The following ZGRF1 variants were observed in gnomAD, a reference collection of about 807,000 sequenced individuals.
ZGRF1 encodes zinc finger GRF-type containing 1.
In ZGRF1, 196 loss-of-function variants were observed where a neutral mutation model predicts 203.5. The ratio of observed to expected loss-of-function variants is 0.96; its 90% CI spans 0.86 to 1.08. The LOEUF (loss-of-function observed/expected upper bound fraction) is 1.08, where lower values mean the gene tolerates loss of function less well. ZGRF1 is among the 50% of genes least tolerant of loss of function. The probability of loss-of-function intolerance (pLI) is 0.00; values close to 1 mark genes in which losing one functional copy is unlikely to be tolerated. For synonymous variants in ZGRF1, 809 were observed against 841.3 expected (o/e 0.96, Z 0.66); for missense variants, 2,326 against 2,416.3 (o/e 0.96, Z 0.78).
intron 6 of ZGRF1, among the ~76,000 whole-genome samples, chr4:112,613,124 T>C (rs989970120): frequency 1.3e-5 from 2 of 152,148 alleles, no homozygotes; most frequent in African/African-American, 4.8e-5. Context: ...TGAGACCTTG[T>C]CTCTACTAAA....
chr4:112,584,501 T>G (rs776109743), intron 14 of ZGRF1, among the ~76,000 whole-genome samples: 1 of 152,196 alleles, frequency 6.6e-6, no homozygotes, highest in Non-Finnish European at 1.5e-5. Flanking sequence ...CTATCCTTTT[T>G]TCTCATTCGC....
At chr4:112,551,133 A>G (rs556550703) in intron 22 of ZGRF1, among the ~76,000 whole-genome samples, 3 of 152,312 alleles carry the variant, frequency 2.0e-5, no homozygotes, top group East Asian at 1.9e-4. Flanking sequence ...ATATTTTCAC[A>G]GTACATTTTC....
intron 10 of ZGRF1, among the ~76,000 whole-genome samples, chr4:112,593,554 T>C (rs1312171010): frequency 1.3e-5 from 2 of 152,234 alleles, no homozygotes; most frequent in Non-Finnish European, 2.9e-5. Flanking sequence ...CTGAAGACTC[T>C]ATGTCTATGT....
chr4:112,573,756 A>C (rs1010415327), intron 16 of ZGRF1, among the ~76,000 whole-genome samples: 1 of 152,154 alleles, frequency 6.6e-6, no homozygotes, highest in Non-Finnish European at 1.5e-5. Context: ...CCTTAAAGTA[A>C]GTGAAAAGAC....
At chr4:112,551,032 G>T (rs1739853751) in intron 22 of ZGRF1, among the ~76,000 whole-genome samples, 1 of 151,994 alleles carries the variant, frequency 6.6e-6, no homozygotes, top group Admixed American at 6.6e-5. Flanking sequence ...GTTTTCTGAG[G>T]ACTTCTACAA....
At chr4:112,580,235 T>C (rs1745976914) in intron 16 of ZGRF1, among the ~76,000 whole-genome samples, 1 of 126,756 alleles carries the variant, frequency 7.9e-6, no homozygotes, top group African/African-American at 2.7e-5. Context: ...TGTAGAAAGC[T>C]GAAACTGGAT....
In ZGRF1 at chr4:112,547,409, C is replaced by T; in HGVS notation, c.5475-1G>A. The T allele has an allele frequency of 6.2e-7, 1 of 1,600,922 alleles. No individual in the cohort carries two copies. Among genetic ancestry groups the T allele is most frequent in the Non-Finnish European group, 8.5e-7 (1 of 1,175,990 alleles). ...AAGAATCAGCTTTTCACACTCAAAC[C>T]TAAAACAGAATTTCAAAAATTAATC... On this transcript the variant is annotated splice_acceptor_variant, in intron 23 of 27. Transcript: ENST00000505019. LOFTEE classifies it high-confidence loss of function.
intron 20 of ZGRF1, among the ~76,000 whole-genome samples, chr4:112,557,947 C>T (rs998989180): frequency 6.6e-6 from 1 of 152,134 alleles, no homozygotes; most frequent in African/African-American, 2.4e-5. Flanking sequence ...CCAAAATTTC[C>T]AGTTCTGGTT....
At chr4:112,616,530 A>C (rs1409951877) in intron 6 of ZGRF1, among the ~76,000 whole-genome samples, 1 of 149,114 alleles carries the variant, frequency 6.7e-6, no homozygotes, top group Non-Finnish European at 1.5e-5. Context: ...GTCTCAAAAA[A>C]AAAAAAAAAA....
At chr4:112,552,867 A>G (rs1263155900) in intron 22 of ZGRF1, among the ~76,000 whole-genome samples, 2 of 152,208 alleles carry the variant, frequency 1.3e-5, no homozygotes, top group Admixed American at 6.5e-5. Flanking sequence ...GTCAGCAAAC[A>G]TAATATGAAC....
intron 16 of ZGRF1, among the ~76,000 whole-genome samples, chr4:112,576,367 G>A (rs1423821066): frequency 6.6e-6 from 1 of 152,194 alleles, no homozygotes; most frequent in Non-Finnish European, 1.5e-5. Context: ...AAAAATCAGA[G>A]CGCCTCTCCT....
Position 112,589,755 on chromosome 4 carries a change from T to C in ZGRF1, c.3096A>G (p.Leu1032=). The C allele has an allele frequency of 6.2e-7, 1 of 1,613,938 alleles. No homozygotes were observed. The highest frequency in any genetic ancestry group is 8.5e-7 in the Non-Finnish European group (1 of 1,179,888). The change falls in exon 11 of 28, where the codon TTA becomes TTG. Residue 1032 remains leucine, a synonymous_variant. Transcript: ENST00000505019. ...AGTTGAGAAAATGAAGATCATCAGG[T>C]AAAGTTCTTGCTTTCAGGGACGTCT... ...FSETSLKART[L]PDDLHFLNLE... is the part of the protein sequence containing the mutation.
In ZGRF1 at chr4:112,619,282, G is replaced by C; in HGVS notation, c.760C>G (p.Gln254Glu). The C allele has an allele frequency of 6.2e-7, 1 of 1,613,234 alleles. No homozygotes were observed. The highest frequency in any genetic ancestry group is 8.5e-7 in the Non-Finnish European group (1 of 1,179,946). ...GVSQNIRSKA[Q>E]ILALLKSESS... is the part of the protein sequence containing the mutation. ...TCGGACTTCAGAAGAGCTAATATCTGTGCTTTGCTTCTGATGTTTTGTGAA... is the reference window on the plus strand; with the variant it reads ...TCGGACTTCAGAAGAGCTAATATCTCTGCTTTGCTTCTGATGTTTTGTGAA... The change falls in exon 6 of 28, where the codon CAG (glutamine) becomes GAG (glutamate). Residue 254 changes from glutamine (Q) to glutamate (E), a missense_variant. Gln to Glu is a conservative substitution (Grantham distance 29). Transcript: ENST00000505019.
chr4:112,626,643 T>C (rs928059792), intron 3 of ZGRF1, among the ~76,000 whole-genome samples: 43 of 152,196 alleles, frequency 2.8e-4, no homozygotes, highest in Non-Finnish European at 5.3e-4. Flanking sequence ...CAAAAAATAT[T>C]TGTTGAACAA....
chr4:112,544,768 A>G (rs551680409), intron 24 of ZGRF1, among the ~76,000 whole-genome samples: 1 of 152,358 alleles, frequency 6.6e-6, no homozygotes, highest in African/African-American at 2.4e-5. Context: ...GTGAGGACAC[A>G]GCAAGAAGGT....
At chr4:112,559,946 C>T (rs1314003431) in intron 19 of ZGRF1, among the ~76,000 whole-genome samples, 1 of 152,170 alleles carries the variant, frequency 6.6e-6, no homozygotes, top group African/African-American at 2.4e-5. Flanking sequence ...AGAAGGAACA[C>T]ATCTCAGTGA....
intron 16 of ZGRF1, among the ~76,000 whole-genome samples, chr4:112,578,461 C>CA (rs548819858): frequency 0.1 from 12,128 of 117,626 alleles, 3,223 homozygotes; most frequent in Non-Finnish European, 0.15. Flanking sequence ...AAAAACCCTT[C>CA]AAAAAATCAA....
intron 26 of ZGRF1, 82 bp downstream of exon 26, chr4:112,540,739 T>C: frequency 8.8e-7 from 1 of 1,130,496 alleles, no homozygotes; most frequent in East Asian, 2.7e-5. Flanking sequence ...CCAAACCAAC[T>C]ACTATAAATG....
chr4:112,636,676 G>A (rs904375822), intron 1 of ZGRF1, 175 bp downstream of exon 1: 5 of 152,124 alleles, frequency 3.3e-5, no homozygotes, highest in Admixed American at 1.3e-4. Flanking sequence ...GGGAAAAACG[G>A]TGAAGAGGCA....
Sources: gnomAD v4.1 joint callset for allele counts (sites outside exome capture counted in the v4.1 genomes callset) on GRCh38, gnomAD v4.1.1 for gene constraint, MANE v1.5 for transcripts, NCBI Gene and HGNC (gene_info 2026-07-23, HGNC 2026-07-21) for gene names.